The following IL1RAPL1 variants were observed in gnomAD, a reference collection of about 807,000 sequenced individuals.
IL1RAPL1 encodes the protein interleukin-1 receptor accessory protein-like 1.
In IL1RAPL1, 3 loss-of-function variants were observed where a neutral mutation model predicts 48.4. That is an observed-to-expected ratio of 0.06 (90% CI 0.03 to 0.16). The LOEUF (loss-of-function observed/expected upper bound fraction) is 0.16. IL1RAPL1 is among the 10% of genes least tolerant of loss of function. The pLI, the probability that IL1RAPL1 is intolerant of heterozygous loss-of-function variation, is 1.00. For synonymous variants in IL1RAPL1, 185 were observed against 187.7 expected, an observed-to-expected ratio of 0.99 and a Z score of 0.12; for missense variants, 349 against 530.6, an observed-to-expected ratio of 0.66 and a Z score of 3.36.
intron 5 of IL1RAPL1, among the ~76,000 whole-genome samples, chrX:29,485,159 G>GA (rs1935083533): frequency 8.9e-6 from 1 of 111,791 alleles, no homozygotes; most frequent in Non-Finnish European, 1.9e-5. Flanking sequence ...GTGTACTTTA[G>GA]AAAAATAACC....
At chrX:29,632,171 CAG>C (rs1353197723) in intron 5 of IL1RAPL1, among the ~76,000 whole-genome samples, 1 of 106,155 alleles carries the variant, frequency 9.4e-6, no homozygotes, top group Non-Finnish European at 1.9e-5. Flanking sequence ...TTTTTTGAGA[CAG>C]AGTCTCACTC....
intron 2 of IL1RAPL1, among the ~76,000 whole-genome samples, chrX:29,070,644 C>G (rs943527424): frequency 9.0e-6 from 1 of 111,397 alleles, no homozygotes; most frequent in Non-Finnish European, 1.9e-5. Flanking sequence ...TGACACAAGT[C>G]TGGATCTCCT....
chrX:28,680,018 C>T (rs1418233557), intron 1 of IL1RAPL1, among the ~76,000 whole-genome samples: 1 of 111,600 alleles, frequency 9.0e-6, no homozygotes, highest in South Asian at 3.7e-4. Context: ...ATAGGGATTG[C>T]ATTCAGTGTA....
At chrX:29,442,157 C>T (rs1007888493) in intron 5 of IL1RAPL1, among the ~76,000 whole-genome samples, 1 of 111,673 alleles carries the variant, frequency 9.0e-6, no homozygotes, top group South Asian at 3.7e-4. Flanking sequence ...TGATTTCAAA[C>T]TATACTATAA....
chrX:28,614,091 A>G (rs1934184591), intron 1 of IL1RAPL1, among the ~76,000 whole-genome samples: 1 of 112,128 alleles, frequency 8.9e-6, no homozygotes, highest in African/African-American at 3.2e-5. Flanking sequence ...ATCTATGAGC[A>G]TGTTTCTCCT....
At chrX:28,941,728 CAA>C (rs1374826938) in intron 2 of IL1RAPL1, among the ~76,000 whole-genome samples, 2 of 110,926 alleles carry the variant, frequency 1.8e-5, no homozygotes, top group Admixed American at 1.9e-4. Flanking sequence ...TTCTCATGCT[CAA>C]GAGGGTGATT....
chrX:29,161,521 T>G (rs1413009368), intron 2 of IL1RAPL1, among the ~76,000 whole-genome samples: 1 of 112,319 alleles, frequency 8.9e-6, no homozygotes, highest in Non-Finnish European at 1.9e-5. Flanking sequence ...CCTCTAGGTT[T>G]ACCTTTTATT....
At chrX:29,316,506 C>G (rs1289119292) in intron 3 of IL1RAPL1, among the ~76,000 whole-genome samples, 1 of 112,086 alleles carries the variant, frequency 8.9e-6, no homozygotes, top group Non-Finnish European at 1.9e-5. Context: ...AAACCAGACT[C>G]TGTAAAATAT....
chrX:29,409,460 G>A (rs1160486331), intron 5 of IL1RAPL1, among the ~76,000 whole-genome samples: 1 of 111,791 alleles, frequency 8.9e-6, no homozygotes, highest in African/African-American at 3.2e-5. Context: ...AAACAAAAGA[G>A]CTCTTTCATG....
At chrX:29,099,237 T>C (rs1928281468) in intron 2 of IL1RAPL1, among the ~76,000 whole-genome samples, 1 of 111,902 alleles carries the variant, frequency 8.9e-6, no homozygotes, top group South Asian at 3.7e-4. Flanking sequence ...CAGTAGGTCT[T>C]GCAAACGTTA....
chrX:29,763,048 T>C (rs969420564), intron 6 of IL1RAPL1, among the ~76,000 whole-genome samples: 2 of 109,903 alleles, frequency 1.8e-5, no homozygotes, highest in Admixed American at 2.0e-4. Flanking sequence ...AAAAAGTTTT[T>C]TGTTTTTTTT....
chrX:28,956,112 G>C (rs1419896198), intron 2 of IL1RAPL1, among the ~76,000 whole-genome samples: 2 of 107,773 alleles, frequency 1.9e-5, no homozygotes, highest in Non-Finnish European at 3.8e-5. Context: ...CATTGATTTT[G>C]TATCCTGAGA....
intron 6 of IL1RAPL1, among the ~76,000 whole-genome samples, chrX:29,694,937 C>G (rs1926871308): frequency 1.8e-5 from 2 of 111,095 alleles, no homozygotes; most frequent in Non-Finnish European, 1.9e-5. Flanking sequence ...AAGGCTCCTT[C>G]AGGGAGACAG....
chrX:29,191,573 C>T (rs1388308170), intron 2 of IL1RAPL1, among the ~76,000 whole-genome samples: 1 of 111,993 alleles, frequency 8.9e-6, no homozygotes, highest in Non-Finnish European at 1.9e-5. Flanking sequence ...TCTTTCCCTG[C>T]CATGTACTTT....
intron 5 of IL1RAPL1, among the ~76,000 whole-genome samples, chrX:29,528,001 C>T (rs1229153505): frequency 1.8e-5 from 2 of 112,106 alleles, no homozygotes; most frequent in East Asian, 2.8e-4. Context: ...GAACATTTCA[C>T]AATATACTCT....
At chrX:28,758,908 AT>A (rs1351126068) in intron 1 of IL1RAPL1, among the ~76,000 whole-genome samples, 1 of 111,748 alleles carries the variant, frequency 8.9e-6, no homozygotes, top group Non-Finnish European at 1.9e-5. Context: ...CAAAAGTTTG[AT>A]TTAAAAGATG....
At chrX:29,259,347 T>C (rs933998569) in intron 2 of IL1RAPL1, among the ~76,000 whole-genome samples, 8 of 111,876 alleles carry the variant, frequency 7.2e-5, no homozygotes, top group African/African-American at 2.6e-4. Flanking sequence ...AAATTCTCCA[T>C]AACTGGATTT....
chrX:28,646,960 A>C (rs1934619755), intron 1 of IL1RAPL1, among the ~76,000 whole-genome samples: 1 of 112,144 alleles, frequency 8.9e-6, no homozygotes, highest in Non-Finnish European at 1.9e-5. Context: ...AAGTTGGCTG[A>C]ATTCTAAGCC....
At chrX:29,496,103 G>A (rs1023071796) in intron 5 of IL1RAPL1, among the ~76,000 whole-genome samples, 2 of 111,468 alleles carry the variant, frequency 1.8e-5, no homozygotes, top group African/African-American at 6.5e-5. Flanking sequence ...TTAATATACT[G>A]TATTTATTAT....
Sources: allele counts gnomAD v4.1 joint callset (sites outside exome capture counted in the v4.1 genomes callset), GRCh38; gene constraint gnomAD v4.1.1; transcripts MANE v1.5; gene names NCBI Gene and HGNC (gene_info 2026-07-23, HGNC 2026-07-21).